DAB1: variants seen among roughly 807,000 people sequenced by gnomAD.
DAB1 encodes disabled homolog 1.
In DAB1, 15 loss-of-function variants were observed where a neutral mutation model predicts 64.6. The ratio of observed to expected loss-of-function variants is 0.23; its 90% CI spans 0.16 to 0.36. DAB1 has a LOEUF of 0.36. Among genes scored for constraint, DAB1 ranks in the 10% least tolerant of loss-of-function variants. DAB1 has a pLI of 1.00. For missense variants in DAB1, 596 were observed against 706.7 expected, an observed-to-expected ratio of 0.84 and a Z score of 1.78; for synonymous variants, 235 against 251.9, an observed-to-expected ratio of 0.93 and a Z score of 0.64.
At chr1:57,063,626 T>C (rs1236506752) in intron 8 of DAB1, among the ~76,000 whole-genome samples, 1 of 152,242 alleles carries the variant, frequency 6.6e-6, no homozygotes, top group African/African-American at 2.4e-5. Flanking sequence ...CACTGAGCTC[T>C]GAGCTTCACT....
rs148985642 is a variant in DAB1, at chr1:58,436,110, T to A, written n.257+69950A>T. Among the ~76,000 whole-genome samples the A allele has an allele frequency of 6.8e-3, 1,037 of 152,300 alleles. 6 individuals carry two copies. The highest frequency in any genetic ancestry group is 0.033 in the South Asian group (161 of 4,820). On this transcript the variant is annotated intron_variant and non_coding_transcript_variant, in intron 3 of 20. Coordinates refer to the DAB1 transcript ENST00000485760. ...ACTTTAAAATACAACTGGCCAAGATTTGAAGCCAGATCTTTATCTTGGCTC... is the reference window on the plus strand; with the variant it reads ...ACTTTAAAATACAACTGGCCAAGATATGAAGCCAGATCTTTATCTTGGCTC...
intron 5 of DAB1, among the ~76,000 whole-genome samples, chr1:58,106,676 G>A (rs938977590): frequency 6.6e-6 from 1 of 152,156 alleles, no homozygotes; most frequent in Non-Finnish European, 1.5e-5. Context: ...CGTTGTAGAT[G>A]TCTTCCAGGA....
chr1:57,867,606 G>A lies in DAB1; in HGVS notation n.87+16393C>T, dbSNP rs532620096. On this transcript the variant is annotated intron_variant and non_coding_transcript_variant, in intron 1 of 1. Coordinates refer to the DAB1 transcript ENST00000477280. ...CTGACATCATCATCTACAATTTTCT[G>A]AGTGCTTGCTTTGTGCTAGGTGTGG... The A allele has an allele frequency of 2.0e-5, 3 of 152,224 alleles. No homozygotes were observed. In the East Asian group the frequency reaches 5.8e-4, roughly 29 times the overall value. The allele number at this position is 152,224 out of a possible 1,614,324, so 9.4% of individuals were successfully genotyped here. A position where few individuals can be genotyped will look rare whatever the true frequency, so the allele number is the denominator to read the frequency against.
chr1:58,055,163 G>A (rs1647974526), intron 5 of DAB1, among the ~76,000 whole-genome samples: 1 of 152,226 alleles, frequency 6.6e-6, no homozygotes, highest in South Asian at 2.1e-4. Flanking sequence ...AGAATATGCT[G>A]TTGTATCATG....
intron 5 of DAB1, among the ~76,000 whole-genome samples, chr1:58,007,078 T>C (rs1374140167): frequency 1.3e-5 from 2 of 152,054 alleles, no homozygotes; most frequent in Non-Finnish European, 2.9e-5. Context: ...CCATGAAAAA[T>C]GTGTGATTTA....
intron 6 of DAB1, among the ~76,000 whole-genome samples, chr1:57,691,784 A>T (rs2101714303): frequency 6.6e-6 from 1 of 152,220 alleles, no homozygotes; most frequent in East Asian, 1.9e-4. Context: ...CATTTTGGCA[A>T]CCACGAAGGA....
At chr1:57,085,214 G>A (rs1414219142) in intron 4 of DAB1, among the ~76,000 whole-genome samples, 1 of 152,194 alleles carries the variant, frequency 6.6e-6, no homozygotes, top group Non-Finnish European at 1.5e-5. Flanking sequence ...CTGATGGCCA[G>A]TCTGATGCCA....
chr1:57,830,440 G>C (rs1189919638), intron 1 of DAB1, among the ~76,000 whole-genome samples: 1 of 152,126 alleles, frequency 6.6e-6, no homozygotes, highest in Non-Finnish European at 1.5e-5. Context: ...CAAGGCAACA[G>C]AGCAAGTAGT....
chr1:58,062,214 A>G (rs900704004), intron 5 of DAB1, among the ~76,000 whole-genome samples: 1 of 152,204 alleles, frequency 6.6e-6, no homozygotes, highest in South Asian at 2.1e-4. Context: ...AACCTTCCCC[A>G]TAGCCATCAC....
rs1428273216 is a variant in DAB1, at chr1:56,996,254, C to A, written c.*1890G>T. 6.6e-6 allele frequency: 1 copy of A among 152,118 alleles called. No homozygotes were observed. The highest frequency in any genetic ancestry group is 1.5e-5 in the Non-Finnish European group (1 of 68,014). 9.4% of individuals were successfully genotyped at this position (152,118 alleles called of 1,614,324 possible). On this transcript the variant is annotated 3_prime_UTR_variant, in exon 15 of 15. Transcript: ENST00000371236. ...TTGTCTCAATGGAAATTCTACTTTT[C>A]AAATCTAAAAACCAAATAATAATAA...
At chr1:57,610,204 G>C (rs1415437945) in intron 7 of DAB1, among the ~76,000 whole-genome samples, 1 of 152,180 alleles carries the variant, frequency 6.6e-6, no homozygotes, top group Non-Finnish European at 1.5e-5. Context: ...CACTCCTGTT[G>C]AAGTGGAGTG....
At chr1:57,155,829 C>T (rs552053879) in intron 2 of DAB1, among the ~76,000 whole-genome samples, 1 of 149,950 alleles carries the variant, frequency 6.7e-6, no homozygotes, top group East Asian at 2.0e-4. Context: ...AGATTGTTCA[C>T]TATTAGCATA....
Position 57,030,161 on chromosome 1 carries a change from T to C in DAB1, c.724-4118A>G, listed in dbSNP as rs146731250. Among the ~76,000 whole-genome samples, 798 of 152,226 alleles carry C rather than the reference T, an allele frequency of 5.2e-3. 7 individuals are homozygous for C. Among genetic ancestry groups the C allele is most frequent in the African/African-American group, 0.017 (708 of 41,558 alleles). ...TTCTCATGATAGTGAATAAGTCTTA[T>C]GAGATCTGATGGGTTTATCAGTGGT... On this transcript the variant is annotated intron_variant, in intron 9 of 14. Coordinates refer to ENST00000371236, the MANE Select transcript of DAB1 (RefSeq NM_001365792.1).
intron 4 of DAB1, among the ~76,000 whole-genome samples, chr1:57,086,633 G>A (rs574745218): frequency 1.5e-5 from 2 of 131,198 alleles, no homozygotes; most frequent in South Asian, 4.9e-4. Context: ...GGTGACAGGG[G>A]TTCTGTCTTA....
intron 5 of DAB1, among the ~76,000 whole-genome samples, chr1:57,909,919 C>T (rs1407349241): frequency 6.6e-6 from 1 of 152,110 alleles, no homozygotes; most frequent in Admixed American, 6.6e-5. Flanking sequence ...CTGGTACTGG[C>T]GTCTGACAGC....
At chr1:57,424,196 G>A (rs946049389), upstream of DAB1, 1 of 149,952 alleles carries the variant, frequency 6.7e-6, no homozygotes, top group Non-Finnish European at 1.5e-5. Flanking sequence ...CCGCTCACCT[G>A]CTAGCTCCCC....
chr1:58,015,046 C>T (rs967556691), intron 5 of DAB1, among the ~76,000 whole-genome samples: 4 of 152,176 alleles, frequency 2.6e-5, no homozygotes, highest in African/African-American at 9.7e-5. Context: ...GTGAATCAAG[C>T]AAGAGAGCCA....
intron 5 of DAB1, among the ~76,000 whole-genome samples, chr1:58,116,393 T>C (rs910208473): frequency 1.3e-5 from 2 of 152,234 alleles, no homozygotes; most frequent in African/African-American, 4.8e-5. Context: ...TTATGATTTG[T>C]TGCTACACAC....
intron 5 of DAB1, among the ~76,000 whole-genome samples, chr1:57,948,552 G>C (rs1281439352): frequency 6.6e-6 from 1 of 152,178 alleles, no homozygotes; most frequent in African/African-American, 2.4e-5. Context: ...AATGCGTTTT[G>C]AGTCTAGTCG....
Sources: gnomAD v4.1 joint callset for allele counts (sites outside exome capture counted in the v4.1 genomes callset) on GRCh38, gnomAD v4.1.1 for gene constraint, MANE v1.5 for transcripts, NCBI Gene and HGNC (gene_info 2026-07-23, HGNC 2026-07-21) for gene names.